Variants in KYNU observed in about 807,000 individuals in gnomAD.
KYNU encodes kynureninase.
A neutral mutation model predicts 59.2 loss-of-function variants in KYNU; 54 were observed. The observed-to-expected ratio is 0.91, with a 90% confidence interval of 0.73 to 1.14. The LOEUF (loss-of-function observed/expected upper bound fraction) is 1.14. Ranked by LOEUF, KYNU falls within the 50% of genes most tolerant of loss-of-function variation. KYNU has a pLI of 0.00. For missense variants in KYNU, 567 were observed against 554.4 expected (o/e 1.02, Z -0.23); for synonymous variants, 177 against 192.0 (o/e 0.92, Z 0.65).
At chr2:142,942,266 A>G (rs1364038886) in intron 4 of KYNU, among the ~76,000 whole-genome samples, 1 of 151,968 alleles carries the variant, frequency 6.6e-6, no homozygotes, top group Non-Finnish European at 1.5e-5. Context: ...TGCAAACCCC[A>G]TGCAGCTTCC....
At chr2:142,889,952 T>C (rs967156759) in intron 2 of KYNU, among the ~76,000 whole-genome samples, 2 of 152,038 alleles carry the variant, frequency 1.3e-5, no homozygotes, top group Admixed American at 1.3e-4. Context: ...TTATATATTA[T>C]GTTTTCTCTG....
chr2:142,954,792 G>T lies in KYNU; in HGVS notation c.374-18G>T, dbSNP rs560589864. ...GACATAGTACAAACATCTAAATTACGATATGTTTATTTTACAGGAGCCAAT... is the reference window on the plus strand; with the variant it reads ...GACATAGTACAAACATCTAAATTACTATATGTTTATTTTACAGGAGCCAAT... On this transcript the variant is annotated intron_variant, in intron 4 of 13. Transcript: ENST00000264170. The T allele has an allele frequency of 2.0e-6, 3 of 1,529,938 alleles. No homozygotes were observed. Among genetic ancestry groups the T allele is most frequent in the East Asian group, 4.5e-5 (2 of 44,300 alleles). 94.8% of individuals were successfully genotyped at this position (1,529,938 alleles called of 1,614,324 possible).
intron 10 of KYNU, among the ~76,000 whole-genome samples, chr2:142,999,840 T>C (rs571343986): frequency 6.6e-6 from 1 of 152,274 alleles, no homozygotes; most frequent in African/African-American, 2.4e-5. Context: ...AATCTCATCT[T>C]CTTGTTATAG....
chr2:142,885,275 G>T (rs932638621), intron 1 of KYNU, 74 bp from the exon 2 acceptor site: 1 of 1,179,838 alleles, frequency 8.5e-7, no homozygotes, highest in Non-Finnish European at 1.2e-6. Flanking sequence ...AAAACAAAAG[G>T]TGTATTACCT....
Position 143,048,766 on chromosome 2 carries a change from A to G in KYNU, c.*6594A>G, listed in dbSNP as rs1687212591. On this transcript the variant is annotated 3_prime_UTR_variant, in exon 14 of 14. Transcript: ENST00000264170. Reference sequence around the variant, plus strand: ...ATTACTGCTGTTAAGCATTCAGATCATCAGAGAAATGCAAATCAGAACCAC... The same window carrying G: ...ATTACTGCTGTTAAGCATTCAGATCGTCAGAGAAATGCAAATCAGAACCAC... 1 of 152,216 alleles carries G rather than the reference A, an allele frequency of 6.6e-6. No individual in the cohort carries two copies. The highest frequency in any genetic ancestry group is 2.4e-5 in the African/African-American group (1 of 41,468). The allele number at this position is 152,216 out of a possible 1,614,324, so 9.4% of individuals were successfully genotyped here. A position where few individuals can be genotyped will look rare whatever the true frequency, so the allele number is the denominator to read the frequency against.
intron 10 of KYNU, among the ~76,000 whole-genome samples, chr2:143,027,393 G>A (rs1686605343): frequency 6.6e-6 from 1 of 151,932 alleles, no homozygotes; most frequent in Non-Finnish European, 1.5e-5. Context: ...TTGTATATTT[G>A]ATATATAAAA....
At chr2:142,900,807 T>G (rs1238153543) in intron 2 of KYNU, among the ~76,000 whole-genome samples, 1 of 152,006 alleles carries the variant, frequency 6.6e-6, no homozygotes, top group Non-Finnish European at 1.5e-5. Flanking sequence ...TCTGGAGAGG[T>G]GCCTTTGATG....
rs1018961038 is a variant in KYNU at position 143,046,112 on chromosome 2, A to G, written c.*3940A>G. On this transcript the variant is annotated 3_prime_UTR_variant, in exon 14 of 14. Coordinates refer to ENST00000264170, the MANE Select transcript of KYNU (RefSeq NM_003937.3). Reference sequence around the variant, plus strand: ...CTCAACACCTAGGTTAAAAAATAGCATTAAAAATTCTCTTTCCAGCTCACA... The same window carrying G: ...CTCAACACCTAGGTTAAAAAATAGCGTTAAAAATTCTCTTTCCAGCTCACA... 1.3e-5 allele frequency: 2 copies of G among 152,174 alleles called. No individual in the cohort carries two copies. The highest frequency in any genetic ancestry group is 2.9e-5 in the Non-Finnish European group (2 of 68,032). The allele number at this position is 152,174 out of a possible 1,614,324, so 9.4% of individuals were successfully genotyped here.
intron 8 of KYNU, among the ~76,000 whole-genome samples, chr2:142,965,270 A>G (rs7561260): frequency 0.25 from 37,722 of 151,998 alleles, 5,062 homozygotes; most frequent in East Asian, 0.4. Context: ...GGACCAGTAC[A>G]CTCAGCTTTT....
chr2:142,912,666 A>G (rs1682523816), intron 2 of KYNU, among the ~76,000 whole-genome samples: 1 of 148,956 alleles, frequency 6.7e-6, no homozygotes, highest in Admixed American at 6.7e-5. Context: ...GGCATGAGCC[A>G]CAGCACCCAG....
In KYNU at chr2:142,957,708, C is replaced by T; in HGVS notation, c.575C>T (p.Pro192Leu). The change falls in exon 7 of 14, where the codon CCA (proline) becomes CTA (leucine). Residue 192 changes from proline to leucine, a missense_variant. Coordinates refer to ENST00000264170, the MANE Select transcript of KYNU (RefSeq NM_003937.3). ...NIEESMRMIK[P>L]REGEETLRIE... ...GAAGAAAGTATGCGGATGATAAAGC[C>T]AAGAGAGGTATATGAGAAAGAAAGA... 6.3e-7 allele frequency: 1 copy of T among 1,589,520 alleles called. No homozygotes were observed. The highest frequency in any genetic ancestry group is 8.6e-7 in the Non-Finnish European group (1 of 1,158,146).
At position 142,948,600 on chromosome 2, in the gene KYNU, CT is replaced by C. The variant is rs1683879067; in HGVS notation, c.374-6204del. On this transcript the variant is annotated intron_variant, in intron 4 of 13. Transcript: ENST00000264170. ...AGATAGCTTGTGTAGGGAAACTCCCCTTTTTTAAACCATCAGATCTCATGAG... is the reference window on the plus strand; with the variant it reads ...AGATAGCTTGTGTAGGGAAACTCCCCTTTTTAAACCATCAGATCTCATGAG... Among the ~76,000 whole-genome samples the C allele has an allele frequency of 1.3e-5, 2 of 151,662 alleles. 1 individual carries two copies. The highest frequency in any genetic ancestry group is 2.9e-5 in the Non-Finnish European group (2 of 67,892).
chr2:142,957,714 A>T lies in KYNU; in HGVS notation c.581A>T (p.Glu194Val), dbSNP rs2105091288. 5 of 1,574,682 alleles carry T rather than the reference A, an allele frequency of 3.2e-6. No homozygotes were observed. Among genetic ancestry groups the T allele is most frequent in the Non-Finnish European group, 4.4e-6 (5 of 1,144,674 alleles). ...EESMRMIKPR[E>V]GEETLRIEDI... ...AGTATGCGGATGATAAAGCCAAGAGAGGTATATGAGAAAGAAAGAAATATT... is the reference window on the plus strand; with the variant it reads ...AGTATGCGGATGATAAAGCCAAGAGTGGTATATGAGAAAGAAAGAAATATT... The change falls in exon 7 of 14, where the codon GAG becomes GTG. Residue 194 changes from glutamate (E) to valine (V), a missense_variant and splice_region_variant. Physicochemically the swap from Glu to Val is moderately radical, Grantham distance 121. Coordinates refer to ENST00000264170, the MANE Select transcript of KYNU (RefSeq NM_003937.3).
At chr2:142,968,034 A>G (rs551068048) in intron 8 of KYNU, among the ~76,000 whole-genome samples, 2 of 152,302 alleles carry the variant, frequency 1.3e-5, no homozygotes, top group South Asian at 2.1e-4. Context: ...TTTACCAGAA[A>G]TTGTTGACAT....
At chr2:143,004,414 AT>A (rs893319788) in intron 10 of KYNU, among the ~76,000 whole-genome samples, 3 of 152,194 alleles carry the variant, frequency 2.0e-5, no homozygotes, top group African/African-American at 7.2e-5. Flanking sequence ...GCTAGAGGAA[AT>A]AAAAAATAAA....
At chr2:143,018,138 A>C (rs900736372) in intron 10 of KYNU, among the ~76,000 whole-genome samples, 11 of 152,136 alleles carry the variant, frequency 7.2e-5, no homozygotes, top group African/African-American at 2.2e-4. Flanking sequence ...GAAGCTCTTT[A>C]GTTTAATTAG....
chr2:142,952,561 A>G (rs568311362), intron 4 of KYNU, among the ~76,000 whole-genome samples: 25 of 151,996 alleles, frequency 1.6e-4, no homozygotes, highest in African/African-American at 5.8e-4. Flanking sequence ...CTCAGCCTCC[A>G]GAGTAGCTGG....
intron 2 of KYNU, among the ~76,000 whole-genome samples, chr2:142,892,846 T>G (rs1159143438): frequency 6.6e-6 from 1 of 152,184 alleles, no homozygotes; most frequent in Non-Finnish European, 1.5e-5. Flanking sequence ...GGCCTTGACC[T>G]CCGAGTCCAA....
intron 8 of KYNU, among the ~76,000 whole-genome samples, chr2:142,962,045 C>A (rs1217468627): frequency 6.6e-6 from 1 of 152,202 alleles, no homozygotes. Flanking sequence ...TGGTGCATTA[C>A]AAAAGATATA....
Sources: allele counts gnomAD v4.1 joint callset (sites outside exome capture counted in the v4.1 genomes callset), GRCh38; gene constraint gnomAD v4.1.1; transcripts MANE v1.5; gene names NCBI Gene and HGNC (gene_info 2026-07-23, HGNC 2026-07-21).